MARCHF4: variants seen among roughly 807,000 people sequenced by gnomAD.
The protein encoded by MARCHF4 is E3 ubiquitin-protein ligase MARCHF4.
In MARCHF4, 14 loss-of-function variants were observed where a neutral mutation model predicts 43.9. That is an observed-to-expected ratio of 0.32 (90% CI 0.21 to 0.50). The LOEUF (loss-of-function observed/expected upper bound fraction) is 0.50. Among genes scored for constraint, MARCHF4 ranks in the 20% least tolerant of loss-of-function variants. The pLI is 0.98. For missense variants in MARCHF4, 468 were observed against 536.7 expected (o/e 0.87, Z 1.27); for synonymous variants, 226 against 213.3 (o/e 1.06, Z -0.52).
chr2:216,269,019 C>T (rs535849304), intron 3 of MARCHF4, among the ~76,000 whole-genome samples: 8 of 152,150 alleles, frequency 5.3e-5, no homozygotes, highest in Admixed American at 5.2e-4. Context: ...GGGGACCACA[C>T]ACAGAGGAAG....
rs112655453 is a variant in MARCHF4, at chr2:216,329,680, C to A, written c.516+40065G>T. Reference sequence around the variant, plus strand: ...ATAGTAAATATAAACCTAACTATATCAGTAATTACATTAAATGTAAACGGA... The same window carrying A: ...ATAGTAAATATAAACCTAACTATATAAGTAATTACATTAAATGTAAACGGA... On this transcript the variant is annotated intron_variant, in intron 1 of 3. Coordinates refer to ENST00000273067, the MANE Select transcript of MARCHF4 (RefSeq NM_020814.3). Among the ~76,000 whole-genome samples, 1,102 of 151,380 alleles carry A rather than the reference C, an allele frequency of 7.3e-3. 10 individuals carry two copies. The highest frequency in any genetic ancestry group is 0.025 in the African/African-American group (1,045 of 41,180).
At chr2:216,320,621 TTCTTTC>T (rs1691866792) in intron 1 of MARCHF4, among the ~76,000 whole-genome samples, 1 of 82,548 alleles carries the variant, frequency 1.2e-5, no homozygotes, top group Non-Finnish European at 2.4e-5. Flanking sequence ...CTTTCTTTCT[TTCTTTC>T]TTTCTTTCTT....
At position 216,257,996 on chromosome 2, in the gene MARCHF4, C is replaced by T. The variant is rs1399598286; in HGVS notation, c.*1316G>A. The T allele has an allele frequency of 6.6e-6, 1 of 152,196 alleles. No homozygotes were observed. Among genetic ancestry groups the T allele is most frequent in the Admixed American group, 6.5e-5 (1 of 15,276 alleles). 9.4% of individuals were successfully genotyped at this position (152,196 alleles called of 1,614,324 possible). A position where few individuals can be genotyped will look rare whatever the true frequency, so the allele number is the denominator to read the frequency against. On this transcript the variant is annotated 3_prime_UTR_variant, in exon 4 of 4. Coordinates refer to ENST00000273067, the MANE Select transcript of MARCHF4 (RefSeq NM_020814.3). Reference sequence around the variant, plus strand: ...CTTTTAATACCCATGGATGACGCGACCACTGTGCAGTGACAACCAGAAACT... The same window carrying T: ...CTTTTAATACCCATGGATGACGCGATCACTGTGCAGTGACAACCAGAAACT...
At chr2:216,318,627 T>G (rs1318282881) in intron 1 of MARCHF4, among the ~76,000 whole-genome samples, 1 of 152,002 alleles carries the variant, frequency 6.6e-6, no homozygotes, top group Admixed American at 6.6e-5. Context: ...GAGGGCAAGT[T>G]CACAGGCCCT....
At position 216,372,294 on chromosome 2, in the gene MARCHF4, A is replaced by G. The variant is rs1228685975; in HGVS notation, c.-2034T>C. Reference sequence around the variant, plus strand: ...CTTGCAGCGAGGGAGGCTCTCGGCTATCTCCGCCGCCGGCGCCGCGGCCGC... The same window carrying G: ...CTTGCAGCGAGGGAGGCTCTCGGCTGTCTCCGCCGCCGGCGCCGCGGCCGC... On this transcript the variant is annotated 5_prime_UTR_variant, in exon 1 of 4. It removes the in-frame stop codon of an upstream open reading frame in the 5' UTR. Transcript: ENST00000273067. Among the ~76,000 whole-genome samples the G allele has an allele frequency of 6.6e-6, 1 of 151,992 alleles. No individual in the cohort carries two copies. Among genetic ancestry groups the G allele is most frequent in the African/African-American group, 2.4e-5 (1 of 41,374 alleles).
chr2:216,350,528 A>G (rs1013280133), intron 1 of MARCHF4, among the ~76,000 whole-genome samples: 1 of 140,274 alleles, frequency 7.1e-6, no homozygotes, highest in Non-Finnish European at 1.6e-5. Flanking sequence ...GTGCCACACC[A>G]CCACACTGTG....
chr2:216,358,252 C>T (rs1436214455), intron 1 of MARCHF4, among the ~76,000 whole-genome samples: 1 of 152,170 alleles, frequency 6.6e-6, no homozygotes, highest in East Asian at 1.9e-4. Flanking sequence ...ACAATGGGAT[C>T]TGAAAGCAGT....
chr2:216,325,152 G>A (rs1248677553), intron 1 of MARCHF4, among the ~76,000 whole-genome samples: 2 of 152,102 alleles, frequency 1.3e-5, no homozygotes, highest in East Asian at 3.8e-4. Context: ...AAAATCACAA[G>A]CATTCTTATA....
intron 1 of MARCHF4, among the ~76,000 whole-genome samples, chr2:216,329,701 A>T (rs1692054461): frequency 6.6e-6 from 1 of 151,480 alleles, no homozygotes; most frequent in South Asian, 2.1e-4. Context: ...TTAAATGTAA[A>T]CGGACTACTT....
intron 1 of MARCHF4, among the ~76,000 whole-genome samples, chr2:216,365,049 A>G (rs1466578432): frequency 6.6e-6 from 1 of 152,218 alleles, no homozygotes; most frequent in African/African-American, 2.4e-5. Flanking sequence ...TGGAAGACAG[A>G]TACTAAATAA....
intron 1 of MARCHF4, among the ~76,000 whole-genome samples, chr2:216,331,720 G>A (rs1692083538): frequency 6.6e-6 from 1 of 152,122 alleles, no homozygotes. Context: ...CAAAATAACT[G>A]AGAAAAATCA....
intron 1 of MARCHF4, among the ~76,000 whole-genome samples, chr2:216,359,833 T>G (rs1371847766): frequency 6.6e-6 from 1 of 152,152 alleles, no homozygotes; most frequent in Non-Finnish European, 1.5e-5. Flanking sequence ...GAATAAAAAG[T>G]CACTTTCTTC....
chr2:216,294,348 A>T (rs1340244462), intron 1 of MARCHF4, among the ~76,000 whole-genome samples: 1 of 152,230 alleles, frequency 6.6e-6, no homozygotes, highest in East Asian at 1.9e-4. Flanking sequence ...ATTCTTCAAA[A>T]ATTAATTTTC....
At chr2:216,289,234 C>CCG (rs1350979942) in intron 1 of MARCHF4, among the ~76,000 whole-genome samples, 22 of 87,064 alleles carry the variant, frequency 2.5e-4, no homozygotes, top group African/African-American at 1.1e-3. Context: ...TTCTTCCCCA[C>CCG]CCGCCCCCCA....
intron 1 of MARCHF4, among the ~76,000 whole-genome samples, chr2:216,367,668 C>T (rs1692687191): frequency 6.6e-6 from 1 of 152,162 alleles, no homozygotes; most frequent in African/African-American, 2.4e-5. Context: ...ATAATAGAGC[C>T]CATTCCTTTA....
At chr2:216,360,185 T>C (rs1692555628) in intron 1 of MARCHF4, among the ~76,000 whole-genome samples, 1 of 152,328 alleles carries the variant, frequency 6.6e-6, no homozygotes, top group African/African-American at 2.4e-5. Flanking sequence ...GTTTCAAAAC[T>C]ATTTTAAATT....
intron 2 of MARCHF4, among the ~76,000 whole-genome samples, chr2:216,282,566 C>T (rs1691147023): frequency 6.6e-6 from 1 of 152,158 alleles, no homozygotes; most frequent in Non-Finnish European, 1.5e-5. Context: ...TATGTGGCAG[C>T]TTAATTTGTT....
chr2:216,293,472 T>C (rs889983561), intron 1 of MARCHF4, among the ~76,000 whole-genome samples: 1 of 152,060 alleles, frequency 6.6e-6, no homozygotes, highest in Non-Finnish European at 1.5e-5. Context: ...TCTACTCTCC[T>C]ACCAGCAGCT....
At chr2:216,261,072 C>G (rs759970255) in intron 3 of MARCHF4, among the ~76,000 whole-genome samples, 2 of 152,090 alleles carry the variant, frequency 1.3e-5, no homozygotes, top group Non-Finnish European at 2.9e-5. Flanking sequence ...GCACCAGAGG[C>G]GGGCTATGGA....
Sources: gnomAD v4.1 joint callset for allele counts (sites outside exome capture counted in the v4.1 genomes callset) on GRCh38, gnomAD v4.1.1 for gene constraint, MANE v1.5 for transcripts, NCBI Gene and HGNC (gene_info 2026-07-23, HGNC 2026-07-21) for gene names.